The following TRPM3 variants were observed in gnomAD, a reference collection of about 807,000 sequenced individuals.
TRPM3 encodes transient receptor potential cation channel subfamily M member 3.
TRPM3 carries 77 observed loss-of-function variants against 181.2 expected under a neutral mutation model. The ratio of observed to expected loss-of-function variants is 0.42; its 90% CI spans 0.35 to 0.51. The LOEUF is 0.51. Ranked by LOEUF, TRPM3 falls within the 20% of genes least tolerant of loss-of-function variation. The pLI, the probability that TRPM3 is intolerant of heterozygous loss-of-function variation, is 0.01. For missense variants in TRPM3, 1,759 were observed against 2,196.7 expected (o/e 0.80, Z 3.98); for synonymous variants, 745 against 796.4 (o/e 0.94, Z 1.09).
chr9:70,700,206 C>T (rs545613775), intron 8 of TRPM3, among the ~76,000 whole-genome samples: 1 of 152,338 alleles, frequency 6.6e-6, no homozygotes, highest in Non-Finnish European at 1.5e-5. Context: ...TGGTCTTGAA[C>T]TCCTGACTTC....
intron 25 of TRPM3, among the ~76,000 whole-genome samples, chr9:70,546,908 T>C (rs1334849963): frequency 6.6e-6 from 1 of 152,234 alleles, no homozygotes; most frequent in African/African-American, 2.4e-5. Flanking sequence ...GAGGTGTTAA[T>C]GATCTCCTGA....
chr9:70,682,589 G>A (rs2065751812), intron 8 of TRPM3, among the ~76,000 whole-genome samples: 1 of 152,104 alleles, frequency 6.6e-6, no homozygotes, highest in South Asian at 2.1e-4. Flanking sequence ...CTGACATAAT[G>A]GAGTATCATT....
At chr9:70,915,386 C>A (rs1004539994) in intron 1 of TRPM3, among the ~76,000 whole-genome samples, 3 of 152,048 alleles carry the variant, frequency 2.0e-5, no homozygotes, top group Non-Finnish European at 4.4e-5. Context: ...CAAGCTTCAC[C>A]TCCTGGGTTC....
intron 1 of TRPM3, among the ~76,000 whole-genome samples, chr9:71,261,356 G>C (rs1045716409): frequency 7.2e-5 from 11 of 152,080 alleles, no homozygotes; most frequent in African/African-American, 2.7e-4. Context: ...AGCTCCATCA[G>C]GTCATTTATG....
At chr9:71,273,473 C>T (rs1588230338) in intron 1 of TRPM3, among the ~76,000 whole-genome samples, 1 of 152,314 alleles carries the variant, frequency 6.6e-6, no homozygotes, top group Middle Eastern at 3.4e-3. Flanking sequence ...AGAGACAGCA[C>T]TGGCATGCCA....
intron 1 of TRPM3, among the ~76,000 whole-genome samples, chr9:71,353,711 A>C (rs982197515): frequency 7.2e-5 from 11 of 152,042 alleles, no homozygotes; most frequent in African/African-American, 2.7e-4. Flanking sequence ...CCCAGTTCAG[A>C]CCCCAAACCT....
chr9:70,977,222 C>T (rs2097312856), intron 1 of TRPM3, among the ~76,000 whole-genome samples: 1 of 152,210 alleles, frequency 6.6e-6, no homozygotes, highest in Non-Finnish European at 1.5e-5. Context: ...GCCACCTCCG[C>T]CTCGCGGGTT....
At chr9:70,969,779 T>TACACAC (rs375252514) in intron 1 of TRPM3, among the ~76,000 whole-genome samples, 2 of 139,842 alleles carry the variant, frequency 1.4e-5, no homozygotes, top group African/African-American at 2.6e-5. Context: ...TATATATATA[T>TACACAC]ACACACACAC....
In TRPM3 at chr9:71,032,044, A is replaced by C. The variant is rs1590818670; in HGVS notation, c.177+89134T>G. Among the ~76,000 whole-genome samples, 3 of 3,052 alleles carry C rather than the reference A, an allele frequency of 9.8e-4. No homozygotes were observed. In the African/African-American group the frequency reaches 0.014, roughly 15 times the overall value. The allele number at this position is 3,052 out of a possible 152,430, so 2.0% of individuals were successfully genotyped here. Reference sequence around the variant, plus strand: ...ATATATATAATATAAATATATATATATATATTATATATATTATATATATTA... The same window carrying C: ...ATATATATAATATAAATATATATATCTATATTATATATATTATATATATTA... On this transcript the variant is annotated intron_variant, in intron 1 of 25. Transcript: ENST00000677713.
At chr9:70,993,784 CAAA>C (rs745913831) in intron 1 of TRPM3, among the ~76,000 whole-genome samples, 143 of 66,746 alleles carry the variant, frequency 2.1e-3, no homozygotes, top group African/African-American at 8.2e-3. Context: ...GATTCCATCT[CAAA>C]AAAAAAAAAA....
At chr9:70,698,148 C>T (rs1388186930) in intron 8 of TRPM3, among the ~76,000 whole-genome samples, 1 of 148,486 alleles carries the variant, frequency 6.7e-6, no homozygotes, top group Non-Finnish European at 1.5e-5. Context: ...ACGGAGGTTG[C>T]AGTGAGCTGA....
At chr9:71,110,467 G>A (rs1453888395) in intron 1 of TRPM3, among the ~76,000 whole-genome samples, 4 of 152,196 alleles carry the variant, frequency 2.6e-5, no homozygotes, top group African/African-American at 9.7e-5. Context: ...GTCTGCGGCT[G>A]CTTTCATGCT....
At chr9:70,958,348 G>C (rs927590412) in intron 1 of TRPM3, among the ~76,000 whole-genome samples, 3 of 152,044 alleles carry the variant, frequency 2.0e-5, no homozygotes, top group Non-Finnish European at 4.4e-5. Context: ...TATTTTTAAA[G>C]TACAAATGGC....
At chr9:70,895,084 A>T (rs1173628716) in intron 1 of TRPM3, among the ~76,000 whole-genome samples, 1 of 152,194 alleles carries the variant, frequency 6.6e-6, no homozygotes, top group Non-Finnish European at 1.5e-5. Flanking sequence ...TTGTACATGA[A>T]GGCACTTTGC....
At chr9:71,337,583 A>T (rs2090649283) in intron 1 of TRPM3, among the ~76,000 whole-genome samples, 1 of 152,202 alleles carries the variant, frequency 6.6e-6, no homozygotes, top group Non-Finnish European at 1.5e-5. Flanking sequence ...TACTGGGTAT[A>T]TACCCAAAGG....
intron 19 of TRPM3, 41 bp downstream of exon 19, chr9:70,610,568 T>C: frequency 6.3e-7 from 1 of 1,599,536 alleles, no homozygotes; most frequent in Non-Finnish European, 8.5e-7. Flanking sequence ...GTTGGCTCCT[T>C]GTGGCCATCC....
At chr9:71,386,560 A>G (rs2132912254) in intron 1 of TRPM3, among the ~76,000 whole-genome samples, 1 of 152,304 alleles carries the variant, frequency 6.6e-6, no homozygotes, top group South Asian at 2.1e-4. Flanking sequence ...TGTCTGTGCA[A>G]TATCAAGGTA....
chr9:71,237,680 A>C (rs534364747), intron 1 of TRPM3, among the ~76,000 whole-genome samples: 1 of 152,334 alleles, frequency 6.6e-6, no homozygotes, highest in South Asian at 2.1e-4. Context: ...ATTTCTCCTT[A>C]GAGAGTGTCT....
In TRPM3 at chr9:71,091,914, T is replaced by C. The variant is rs146216046; in HGVS notation, c.177+29264A>G. Among the ~76,000 whole-genome samples, 16 of 152,272 alleles carry C rather than the reference T, an allele frequency of 1.1e-4. No individual in the cohort carries two copies. In the South Asian group the frequency reaches 1.7e-3, roughly 16 times the overall value. On this transcript the variant is annotated intron_variant, in intron 1 of 25. Transcript: ENST00000677713. ...TTGTTTGGGTGCCCCAAATTTAAAA[T>C]ATCATAATAGTCTTGGTTTCTAGCT...
Sources: gnomAD v4.1 joint callset for allele counts (sites outside exome capture counted in the v4.1 genomes callset) on GRCh38, gnomAD v4.1.1 for gene constraint, MANE v1.5 for transcripts, NCBI Gene and HGNC (gene_info 2026-07-23, HGNC 2026-07-21) for gene names.